NOTCH3: variants seen among roughly 807,000 people sequenced by gnomAD.
NOTCH3 encodes notch receptor 3, also known as neurogenic locus notch homolog protein 3.
NOTCH3 carries 86 observed loss-of-function variants against 213.3 expected under a neutral mutation model. The observed-to-expected ratio is 0.40, with a 90% CI of 0.34 to 0.48. NOTCH3 has a LOEUF of 0.48. Among genes scored for constraint, NOTCH3 ranks in the 20% least tolerant of loss-of-function variants. NOTCH3 has a pLI of 0.57. For synonymous variants in NOTCH3, 1,354 were observed against 1,355.9 expected (o/e 1.00, Z 0.03); for missense variants, 2,783 against 3,272.6 (o/e 0.85, Z 3.65).
At chr19:15,171,311 G>A (rs2046732069) in intron 25 of NOTCH3, among the ~76,000 whole-genome samples, 1 of 152,088 alleles carries the variant, frequency 6.6e-6, no homozygotes, top group African/African-American at 2.4e-5. Context: ...TTACAGGCGT[G>A]AGCCGCCACT....
rs2046626302 is a variant in NOTCH3 at position 15,160,020 on chromosome 19, G to A, written c.*642C>T. On this transcript the variant is annotated 3_prime_UTR_variant, in exon 33 of 33. Coordinates refer to ENST00000263388, the MANE Select transcript of NOTCH3 (RefSeq NM_000435.3). Reference sequence around the variant, plus strand: ...ATCTGGAATGCAGTGAAGTGAGGGAGGTGGGGTGGGGAGGAGGCTCCCAAC... The same window carrying A: ...ATCTGGAATGCAGTGAAGTGAGGGAAGTGGGGTGGGGAGGAGGCTCCCAAC... The A allele has an allele frequency of 4.3e-6, 1 of 234,052 alleles. No individual in the cohort carries two copies. Among genetic ancestry groups the A allele is most frequent in the Non-Finnish European group, 8.5e-6 (1 of 118,322 alleles). The allele number at this position is 234,052 out of a possible 1,614,324, so 14.5% of individuals were successfully genotyped here.
At position 15,165,528 on chromosome 19, in the gene NOTCH3, G is replaced by A. The variant is rs1375873116; in HGVS notation, c.5668-13C>T. On this transcript the variant is annotated splice_polypyrimidine_tract_variant and intron_variant, in intron 30 of 32. Transcript: ENST00000263388. This position sits in a 1 kb window ranked among gnomAD's most constrained non-coding sequence, Gnocchi z 4.7. ...TTCGGATGAGAATCTAGGACAGAGA[G>A]TGGATGCAGCAGGAGGGGTCATGGC... The A allele has an allele frequency of 1.2e-6, 2 of 1,610,402 alleles. No individual in the cohort carries two copies. Among genetic ancestry groups the A allele is most frequent in the Admixed American group, 3.3e-5 (2 of 60,006 alleles).
rs2046769804 is a variant in NOTCH3 at position 15,174,394 on chromosome 19, C to T, written c.4410G>A (p.Val1470=). 1 of 1,524,216 alleles carries T rather than the reference C, an allele frequency of 6.6e-7. No homozygotes were observed. Among genetic ancestry groups the T allele is most frequent in the Admixed American group, 2.0e-5 (1 of 49,778 alleles). The allele number at this position is 1,524,216 out of a possible 1,614,324, so 94.4% of individuals were successfully genotyped here. A position where few individuals can be genotyped will look rare whatever the true frequency, so the allele number is the denominator to read the frequency against. ...AGGRERTCNP[V]YEKYCADHFA... is the part of the protein sequence containing the mutation. ...AGTGGTCGGCGCAGTACTTCTCGTA[C>T]ACCGGGCTGGTGGGGAAGGGTGAGG... Residue 1470 remains valine, a synonymous_variant, in exon 25 of 33, where the codon GTG becomes GTA. Transcript: ENST00000263388.
chr19:15,162,433 T>G, intron 32 of NOTCH3, 32 bp downstream of exon 32: 1 of 1,512,348 alleles, frequency 6.6e-7, no homozygotes, highest in East Asian at 2.3e-5. Flanking sequence ...GTGCCACTGC[T>G]GACACCCAGT....
intron 24 of NOTCH3, among the ~76,000 whole-genome samples, chr19:15,174,762 C>A (rs150172451): frequency 6.6e-6 from 1 of 151,962 alleles, no homozygotes; most frequent in African/African-American, 2.4e-5. Context: ...TTAGCAGAGA[C>A]GGGGTTTTAC....
Position 15,160,569 on chromosome 19 carries a change from G to A in NOTCH3, c.*93C>T. 9.4e-7 allele frequency: 1 copy of A among 1,061,732 alleles called. No individual in the cohort carries two copies. Among genetic ancestry groups the A allele is most frequent in the Non-Finnish European group, 1.5e-6 (1 of 677,262 alleles). 65.8% of individuals were successfully genotyped at this position (1,061,732 alleles called of 1,614,324 possible). On this transcript the variant is annotated 3_prime_UTR_variant, in exon 33 of 33. Transcript: ENST00000263388. Reference sequence around the variant, plus strand: ...AGGGTTGGTGGAAAGAGAAGAGGATGAAAAAGACTAAAAGGAAGGAAGAGA... The same window carrying A: ...AGGGTTGGTGGAAAGAGAAGAGGATAAAAAAGACTAAAAGGAAGGAAGAGA...
chr19:15,170,699 G>C lies in NOTCH3; in HGVS notation c.4863C>G (p.Asp1621Glu), dbSNP rs2046726322. 1 of 1,592,102 alleles carries C rather than the reference G, an allele frequency of 6.3e-7. No homozygotes were observed. The highest frequency in any genetic ancestry group is 1.1e-5 in the South Asian group (1 of 88,200). Residue 1621 changes from aspartate to glutamate, a missense_variant, in exon 26 of 33, where the codon GAC becomes GAG. Asp to Glu is a conservative substitution (Grantham distance 45). This residue lies in a region of NOTCH3 where 636 missense variants were observed against 801.8 expected (regional missense o/e 0.79). Coordinates refer to ENST00000263388, the MANE Select transcript of NOTCH3 (RefSeq NM_000435.3). ...GCACGTCCCGCAGTGGGTACGGGAA[G>C]TCCAGGCGCTCCACCGCTGACAACG... ...LGALSAVERL[D>E]FPYPLRDVRG... is the part of the protein sequence containing the mutation.
At chr19:15,168,581 C>A (rs1258564816) in intron 28 of NOTCH3, among the ~76,000 whole-genome samples, 1 of 152,084 alleles carries the variant, frequency 6.6e-6, no homozygotes, top group Non-Finnish European at 1.5e-5. Flanking sequence ...CGTCTGTAAT[C>A]CCAGCACTTT....
rs555878200 is a variant in NOTCH3 at position 15,176,211 on chromosome 19, C to T, written c.4403+1314G>A. 4.0e-5 allele frequency among the ~76,000 whole-genome samples: 6 copies of T among 148,550 alleles called. No homozygotes were observed. The East Asian group carries it at 1.2e-3, about 29-fold the overall frequency. ...GAGACAGAGATTTACTCTTGCTGCC[C>T]AGGCTGGAGTGCAATGGCACGATCT... On this transcript the variant is annotated intron_variant, in intron 24 of 32. Transcript: ENST00000263388.
In NOTCH3 at chr19:15,160,318, G is replaced by A. The variant is rs1319628773; in HGVS notation, c.*344C>T. Reference sequence around the variant, plus strand: ...TCTATACAAAATGTAAAAAAAAAAAGAAAAATAAAAATAATAATAATTCAT... The same window carrying A: ...TCTATACAAAATGTAAAAAAAAAAAAAAAAATAAAAATAATAATAATTCAT... On this transcript the variant is annotated 3_prime_UTR_variant, in exon 33 of 33. Coordinates refer to ENST00000263388, the MANE Select transcript of NOTCH3 (RefSeq NM_000435.3). 7.9e-6 allele frequency: 2 copies of A among 252,868 alleles called. No individual in the cohort carries two copies. Among genetic ancestry groups the A allele is most frequent in the Non-Finnish European group, 7.5e-6 (1 of 133,154 alleles). The allele number at this position is 252,868 out of a possible 1,614,324, so 15.7% of individuals were successfully genotyped here.
chr19:15,165,677 C>G lies in NOTCH3; in HGVS notation c.5667+110G>C. Reference sequence around the variant, plus strand: ...ACAGATACTGTATTCCCATATATCCCCATTTTCCAAATGAGAAAAAATGAG... The same window carrying G: ...ACAGATACTGTATTCCCATATATCCGCATTTTCCAAATGAGAAAAAATGAG... On this transcript the variant is annotated intron_variant, in intron 30 of 32. Transcript: ENST00000263388. This position sits in a 1 kb window ranked among gnomAD's most constrained non-coding sequence, Gnocchi z 4.7. 5 of 1,400,080 alleles carry G rather than the reference C, an allele frequency of 3.6e-6. No individual in the cohort carries two copies. Among genetic ancestry groups the G allele is most frequent in the Non-Finnish European group, 4.9e-6 (5 of 1,017,616 alleles). 86.7% of individuals were successfully genotyped at this position (1,400,080 alleles called of 1,614,324 possible).
chr19:15,180,516 C>T (rs2046830433), intron 19 of NOTCH3, among the ~76,000 whole-genome samples, 165 bp downstream of exon 19: 2 of 152,102 alleles, frequency 1.3e-5, no homozygotes. Flanking sequence ...AGACACACAC[C>T]ATCCCGGCCA....
At chr19:15,161,875 C>T (rs2046647224) in intron 32 of NOTCH3, among the ~76,000 whole-genome samples, 161 bp from the exon 33 acceptor site, 2 of 152,120 alleles carry the variant, frequency 1.3e-5, no homozygotes, top group South Asian at 2.1e-4. Flanking sequence ...CAAGTTCTTT[C>T]CTCTAAACCA....
At chr19:15,180,923 G>A (rs1220050893) in intron 18 of NOTCH3, 38 bp downstream of exon 18, 1 of 1,583,088 alleles carries the variant, frequency 6.3e-7, no homozygotes, top group South Asian at 1.1e-5. Context: ...AGGATCCCAG[G>A]CAGGCTCCTC....
chr19:15,200,814 A>G lies in NOTCH3; in HGVS notation c.92T>C (p.Leu31Pro). ...TGCAGCCCCCGGCCCCGCTAGCAGC[A>G]GCAGCAGGGGCAGCGCCCGCACGGG... ...PPPVRALPLL[L>P]LLAGPGAAAP... The change falls in exon 1 of 33, where the codon CTG becomes CCG. Residue 31 changes from leucine to proline, a missense_variant. By Grantham distance (98) the Leu-to-Pro change is moderately conservative. Coordinates refer to ENST00000263388, the MANE Select transcript of NOTCH3 (RefSeq NM_000435.3). 8.0e-7 allele frequency: 1 copy of G among 1,255,786 alleles called. No homozygotes were observed. The highest frequency in any genetic ancestry group is 1.0e-6 in the Non-Finnish European group (1 of 992,408). 77.8% of individuals were successfully genotyped at this position (1,255,786 alleles called of 1,614,324 possible).
rs777122991 is a variant in NOTCH3, at chr19:15,185,352, G to A, written c.2201C>T (p.Ala734Val). 1.2e-6 allele frequency: 2 copies of A among 1,612,526 alleles called. No individual in the cohort carries two copies. Among genetic ancestry groups the A allele is most frequent in the South Asian group, 1.1e-5 (1 of 91,050 alleles). Residue 734 changes from alanine (A) to valine (V), a missense_variant, in exon 14 of 33, where the codon GCC (alanine) becomes GTC (valine). Ala to Val is a moderately conservative substitution (Grantham distance 64). Coordinates refer to ENST00000263388, the MANE Select transcript of NOTCH3 (RefSeq NM_000435.3). This position sits in a 1 kb window ranked among gnomAD's most constrained non-coding sequence, Gnocchi z 4.2. Reference sequence around the variant, plus strand: ...CGGCTGGGACTCACAGGCGTCTCGGGCCAGGCTCTGGCTGCAGCGGGGGCC... The same window carrying A: ...CGGCTGGGACTCACAGGCGTCTCGGACCAGGCTCTGGCTGCAGCGGGGGCC... ...WSGPRCSQSL[A>V]RDACESQPCR...
chr19:15,177,070 TTA>T (rs1491104308), intron 24 of NOTCH3, among the ~76,000 whole-genome samples: 1 of 31,410 alleles, frequency 3.2e-5, no homozygotes, highest in Non-Finnish European at 6.0e-5. Flanking sequence ...AGACTCCGTC[TTA>T]AAAAAAAAAA....
At chr19:15,197,441 G>GGCC in intron 2 of NOTCH3, 59 bp downstream of exon 2, 4 of 768,362 alleles carry the variant, frequency 5.2e-6, no homozygotes, top group Non-Finnish European at 6.9e-6. Flanking sequence ...AAGACAAATC[G>GGCC]CCCCTCCCCC....
rs2046620916 is a variant in NOTCH3, at chr19:15,159,265, AT to A, written c.*1396del. Reference sequence around the variant, plus strand: ...CCCTCAAGGAGCCATTTGAGCTCTCATTTCTGATTCTCCCTGAATATTAGCT... The same window carrying A: ...CCCTCAAGGAGCCATTTGAGCTCTCATTCTGATTCTCCCTGAATATTAGCT... On this transcript the variant is annotated 3_prime_UTR_variant, in exon 33 of 33. Transcript: ENST00000263388. 2 of 152,994 alleles carry A rather than the reference AT, an allele frequency of 1.3e-5. No homozygotes were observed. The highest frequency in any genetic ancestry group is 6.5e-5 in the Admixed American group (1 of 15,290). 9.5% of individuals were successfully genotyped at this position (152,994 alleles called of 1,614,324 possible).
Sources: allele counts gnomAD v4.1 joint callset (sites outside exome capture counted in the v4.1 genomes callset), GRCh38; gene constraint gnomAD v4.1.1; regional missense constraint gnomAD v4.1.1; non-coding constraint Gnocchi (gnomAD v3.1); transcripts MANE v1.5; gene names NCBI Gene and HGNC (gene_info 2026-07-23, HGNC 2026-07-21).